Variants in HMGXB4 observed in about 807,000 individuals in gnomAD.
HMGXB4 encodes the protein HMG-box containing 4.
A neutral mutation model predicts 63.9 loss-of-function variants in HMGXB4; 27 were observed. That is an observed-to-expected ratio of 0.42 (90% CI 0.31 to 0.58). The LOEUF is 0.58. Among genes scored for constraint, HMGXB4 ranks in the 20% least tolerant of loss-of-function variants. The pLI, the probability that HMGXB4 is intolerant of heterozygous loss-of-function variation, is 0.13. For missense variants in HMGXB4, 624 were observed against 700.7 expected (o/e 0.89, Z 1.24); for synonymous variants, 264 against 265.3 (o/e 0.99, Z 0.05).
At chr22:35,252,105 C>G in the HMGXB4 span, among the ~76,000 whole-genome samples, 4 of 152,116 alleles carry the variant, frequency 2.6e-5, no homozygotes, top group African/African-American at 9.7e-5. Flanking sequence ...ATCCCAGCTA[C>G]TTGGGAGGCT....
chr22:35,245,915 G>A, the HMGXB4 span, among the ~76,000 whole-genome samples: 1 of 152,102 alleles, frequency 6.6e-6, no homozygotes, highest in Non-Finnish European at 1.5e-5. Flanking sequence ...CAGGTCCAGG[G>A]GGACCTCATT....
intron 9 of HMGXB4, 39 bp from the exon 10 acceptor site, chr22:35,292,953 A>G: frequency 6.2e-7 from 1 of 1,613,890 alleles, no homozygotes; most frequent in Non-Finnish European, 8.5e-7. Flanking sequence ...ACACAGCATC[A>G]GGAGTGTGAC....
At chr22:35,290,092 G>A (rs947742660) in intron 9 of HMGXB4, among the ~76,000 whole-genome samples, 1 of 152,190 alleles carries the variant, frequency 6.6e-6, no homozygotes, top group Admixed American at 6.5e-5. Flanking sequence ...CTCGATATCT[G>A]AATGGATATA....
intron 1 of HMGXB4, among the ~76,000 whole-genome samples, chr22:35,260,346 T>C (rs1386179948): frequency 6.6e-6 from 1 of 152,242 alleles, no homozygotes; most frequent in Admixed American, 6.5e-5. Flanking sequence ...TCTTATAAAC[T>C]CAGTATTTTA....
upstream of HMGXB4, among the ~76,000 whole-genome samples, chr22:35,253,434 T>C (rs1922271658): frequency 6.6e-6 from 1 of 152,172 alleles, no homozygotes; most frequent in African/African-American, 2.4e-5. Flanking sequence ...GTATCATTGC[T>C]TCACCATAGG....
intron 5 of HMGXB4, among the ~76,000 whole-genome samples, chr22:35,280,521 C>A (rs546159935): frequency 6.6e-6 from 1 of 152,190 alleles, no homozygotes; most frequent in South Asian, 2.1e-4. Context: ...TGTGGGCCAT[C>A]ATCATTCATC....
the HMGXB4 span, among the ~76,000 whole-genome samples, chr22:35,251,594 G>C: frequency 6.6e-6 from 1 of 152,200 alleles, no homozygotes; most frequent in Non-Finnish European, 1.5e-5. Context: ...AATGCAATAT[G>C]GGAAATGCAG....
upstream of HMGXB4, among the ~76,000 whole-genome samples, chr22:35,253,654 A>G (rs929051262): frequency 8.6e-5 from 13 of 151,988 alleles, no homozygotes; most frequent in African/African-American, 3.1e-4. Context: ...ATGTGGGAAC[A>G]TGCTCTTTCC....
At chr22:35,245,105 C>G in the HMGXB4 span, among the ~76,000 whole-genome samples, 1 of 152,108 alleles carries the variant, frequency 6.6e-6, no homozygotes. Flanking sequence ...AACTCCTGAC[C>G]TCGTGATCCA....
chr22:35,251,242 T>C, the HMGXB4 span, among the ~76,000 whole-genome samples: 1 of 151,846 alleles, frequency 6.6e-6, no homozygotes, highest in African/African-American at 2.4e-5. Flanking sequence ...ATCCGGCTAA[T>C]TTTTTTGTAT....
At chr22:35,251,126 G>A in the HMGXB4 span, among the ~76,000 whole-genome samples, 1 of 151,452 alleles carries the variant, frequency 6.6e-6, no homozygotes, top group Non-Finnish European at 1.5e-5. Context: ...CCAGGCTAGA[G>A]TGCAGTGGCG....
At chr22:35,246,052 T>G in the HMGXB4 span, among the ~76,000 whole-genome samples, 9 of 152,172 alleles carry the variant, frequency 5.9e-5, no homozygotes, top group Non-Finnish European at 7.4e-5. Flanking sequence ...ACTGTCACTG[T>G]GGCTGGGTGA....
At chr22:35,283,378 A>G (rs760633219) in intron 5 of HMGXB4, among the ~76,000 whole-genome samples, 47 of 152,262 alleles carry the variant, frequency 3.1e-4, no homozygotes, top group Non-Finnish European at 3.8e-4. Context: ...AGAAATGTGT[A>G]ACATGGGATT....
Position 35,265,061 on chromosome 22 carries a change from A to T in HMGXB4, c.673A>T (p.Lys225Ter). 6.2e-7 allele frequency: 1 copy of T among 1,614,078 alleles called. No homozygotes were observed. Among genetic ancestry groups the T allele is most frequent in the Non-Finnish European group, 8.5e-7 (1 of 1,179,924 alleles). The change falls in exon 5 of 11, where the codon AAG (lysine) becomes TAG (stop). Residue 225 changes from lysine to a stop codon, truncating the protein, a stop_gained. Transcript: ENST00000216106. LOFTEE classifies it high-confidence loss of function. Reference sequence around the variant, plus strand: ...ACAAGCGACTGTGAAAAAATCCTCAAAGAAATCAGCTCGGGATGAGCAGGG... The same window carrying T: ...ACAAGCGACTGTGAAAAAATCCTCATAGAAATCAGCTCGGGATGAGCAGGG... ...SQQATVKKSSKKSARDEQGAL... is the reference protein window; with the variant it reads ...SQQATVKKSS
rs62233270 is a variant in HMGXB4 at position 35,282,447 on chromosome 22, T to C, written c.1216-1515T>C. 9.6e-3 allele frequency among the ~76,000 whole-genome samples: 1,462 copies of C among 152,198 alleles called. 8 individuals carry two copies. Among genetic ancestry groups the C allele is most frequent in the South Asian group, 0.038 (184 of 4,828 alleles). ...AAAGTGCTGGATTACAGGTGTGAGC[T>C]ACCCCACCCGGCCACATTCATGTCA... On this transcript the variant is annotated intron_variant, in intron 5 of 10. Coordinates refer to ENST00000216106, the MANE Select transcript of HMGXB4 (RefSeq NM_001003681.3).
chr22:35,261,091 AT>A (rs1922815378), intron 1 of HMGXB4, among the ~76,000 whole-genome samples: 1 of 152,234 alleles, frequency 6.6e-6, no homozygotes, highest in Admixed American at 6.5e-5. Flanking sequence ...TTAATATGTA[AT>A]TTTAAAATTC....
intron 1 of HMGXB4, chr22:35,261,791 A>C (rs1432061191): frequency 6.6e-6 from 1 of 152,316 alleles, no homozygotes; most frequent in Non-Finnish European, 1.5e-5. Flanking sequence ...AAAATGCAAA[A>C]GACATTGTGC....
the HMGXB4 span, among the ~76,000 whole-genome samples, chr22:35,248,396 C>T: frequency 3.6e-4 from 46 of 127,188 alleles, no homozygotes; most frequent in South Asian, 0.011. Context: ...CAGGGGAGGT[C>T]GGGACTTTTT....
At position 35,265,451 on chromosome 22, in the gene HMGXB4, GAGGTCA is replaced by G; in HGVS notation, c.1064_1069del (p.Glu355_Thr357delinsAla). ...AGGACTTTCTGCCGTGCCAGTGGGA[GAGGTCA>G]CAGTGACATCTGGCCCTCCTCCCAG... On this transcript the variant is annotated inframe_deletion, in exon 5 of 11. Coordinates refer to ENST00000216106, the MANE Select transcript of HMGXB4 (RefSeq NM_001003681.3). The G allele has an allele frequency of 1.2e-6, 2 of 1,614,126 alleles. No individual in the cohort carries two copies. Among genetic ancestry groups the G allele is most frequent in the Non-Finnish European group, 1.7e-6 (2 of 1,180,034 alleles).
Sources: gnomAD v4.1 joint callset for allele counts (sites outside exome capture counted in the v4.1 genomes callset) on GRCh38, gnomAD v4.1.1 for gene constraint, MANE v1.5 for transcripts, NCBI Gene and HGNC (gene_info 2026-07-23, HGNC 2026-07-21) for gene names.